FLG: variants seen among roughly 807,000 people sequenced by gnomAD.
FLG encodes epidermal filaggrin.
In FLG, 6 loss-of-function variants were observed where a neutral mutation model predicts 3.8. The ratio of observed to expected loss-of-function variants is 1.60; its 90% CI spans 0.87 to 3.15. The LOEUF (loss-of-function observed/expected upper bound fraction) is 3.15, where lower values mean the gene tolerates loss of function less well. Ranked by LOEUF, FLG falls within the 30% of genes most tolerant of loss-of-function variation. FLG has a pLI of 0.00. For synonymous variants in FLG, 2,551 were observed against 1,931.6 expected (o/e 1.32, Z -8.41); for missense variants, 7,595 against 5,050.9 (o/e 1.50, Z -15.27).
chr1:152,305,898 G>C lies in FLG; in HGVS notation c.8988C>G (p.His2996Gln), dbSNP rs778140311. 7.5e-7 allele frequency: 1 copy of C among 1,325,896 alleles called. No homozygotes were observed. Among genetic ancestry groups the C allele is most frequent in the Non-Finnish European group, 1.0e-6 (1 of 974,458 alleles). The allele number at this position is 1,325,896 out of a possible 1,614,324, so 82.1% of individuals were successfully genotyped here. A position where few individuals can be genotyped will look rare whatever the true frequency, so the allele number is the denominator to read the frequency against. ...ADSSRHSGIG[H>Q]GQASSAVRDS... Reference sequence around the variant, plus strand: ...CTCTGACTGCAGATGAAGCTTGTCCGTGCCCAATGCCTGAGTGTCTGGAGC... The same window carrying C: ...CTCTGACTGCAGATGAAGCTTGTCCCTGCCCAATGCCTGAGTGTCTGGAGC... The change falls in exon 3 of 3, where the codon CAC (histidine) becomes CAG (glutamine). Residue 2996 changes from histidine (H) to glutamine (Q), a missense_variant. Physicochemically the swap from His to Gln is conservative, Grantham distance 24. Coordinates refer to ENST00000368799, the MANE Select transcript of FLG (RefSeq NM_002016.2).
At chr1:152,321,224 A>G (rs746482180) in intron 1 of FLG, among the ~76,000 whole-genome samples, 2 of 150,946 alleles carry the variant, frequency 1.3e-5, no homozygotes, top group African/African-American at 2.4e-5. Context: ...GTGTGTGTAT[A>G]TATATGTATA....
chr1:152,310,371 G>T lies in FLG; in HGVS notation c.4515C>A (p.His1505Gln). The T allele has an allele frequency of 1.2e-6, 2 of 1,613,612 alleles. No individual in the cohort carries two copies. The highest frequency in any genetic ancestry group is 1.7e-6 in the Non-Finnish European group (2 of 1,179,962). ...SSRGGRQGSYHEQSVDRSGHS... is the reference protein window; with the variant it reads ...SSRGGRQGSYQEQSVDRSGHS... ...GTCCAGACCTATCTACTGATTGCTC[G>T]TGGTAGGATCCCTGCCTTCCTCCTC... Residue 1505 changes from histidine (H) to glutamine (Q), a missense_variant, in exon 3 of 3, where the codon CAC becomes CAA. Physicochemically the swap from His to Gln is conservative, Grantham distance 24. Coordinates refer to ENST00000368799, the MANE Select transcript of FLG (RefSeq NM_002016.2).
rs371889524 is a variant in FLG at position 152,310,184 on chromosome 1, C to G, written c.4702G>C (p.Ala1568Pro). ...GSRHHEPSTR[A>P]GSSRHSQVGQ... ...ACCTGTGAGTGTCTAGAGCTGCCGG[C>G]CCGAGTGGAAGGTTCATGGTGACGT... The change falls in exon 3 of 3, where the codon GCC (alanine) becomes CCC (proline). Residue 1568 changes from alanine (A) to proline (P), a missense_variant. Ala to Pro is a conservative substitution (Grantham distance 27, BLOSUM62 -1). Transcript: ENST00000368799. 1 of 1,613,884 alleles carries G rather than the reference C, an allele frequency of 6.2e-7. No homozygotes were observed. The highest frequency in any genetic ancestry group is 2.2e-5 in the East Asian group (1 of 44,824).
intron 1 of FLG, among the ~76,000 whole-genome samples, chr1:152,316,691 C>A (rs942893040): frequency 2.6e-5 from 4 of 152,062 alleles, no homozygotes; most frequent in African/African-American, 2.4e-5. Flanking sequence ...TCGTTACTTG[C>A]AACATATGCA....
At position 152,310,819 on chromosome 1, in the gene FLG, C is replaced by G. The variant is rs1007909829; in HGVS notation, c.4067G>C (p.Arg1356Thr). 5.0e-6 allele frequency: 8 copies of G among 1,611,916 alleles called. No homozygotes were observed. The Admixed American group carries it at 5.0e-5, about 10-fold the overall frequency. Residue 1356 changes from arginine (R) to threonine (T), a missense_variant, in exon 3 of 3, where the codon AGA becomes ACA. Coordinates refer to ENST00000368799, the MANE Select transcript of FLG (RefSeq NM_002016.2). ...HEQARSSPGE[R>T]HGSRHQQSAD... ...TGACTGCTGGTGGCGGGATCCATGT[C>G]TTTCTCCTGGACTTGATCTTGCCTG...
Position 152,308,508 on chromosome 1 carries a change from G to A in FLG, c.6378C>T (p.Ser2126=), listed in dbSNP as rs755684943. The part of the protein sequence containing the change: ...GSHYDQAQDS[S]RHSASQEGQD... ...GACCCTCTTGGGATGCTGAGTGCCT[G>A]GAGCTGTCTTGTGCCTGATCATAAT... The change falls in exon 3 of 3, where the codon TCC becomes TCT. Residue 2126 remains serine (S), a synonymous_variant. Coordinates refer to ENST00000368799, the MANE Select transcript of FLG (RefSeq NM_002016.2). 1.1e-5 allele frequency: 17 copies of A among 1,613,566 alleles called. No individual in the cohort carries two copies. The highest frequency in any genetic ancestry group is 1.4e-5 in the Non-Finnish European group (17 of 1,179,760).
In FLG at chr1:152,310,949, G is replaced by T; in HGVS notation, c.3937C>A (p.Gln1313Lys). The change falls in exon 3 of 3, where the codon CAA becomes AAA. Residue 1313 changes from glutamine to lysine, a missense_variant. Gln to Lys is a moderately conservative substitution (Grantham distance 53). Transcript: ENST00000368799. ...RDGSRHPGFH[Q>K]EDRASHGHSA... Reference sequence around the variant, plus strand: ...TGCCCGTGACTGGCTCTGTCTTCTTGATGGAACCCAGGGTGTCTGGAGCCA... The same window carrying T: ...TGCCCGTGACTGGCTCTGTCTTCTTTATGGAACCCAGGGTGTCTGGAGCCA... The T allele has an allele frequency of 6.2e-7, 1 of 1,614,040 alleles. No homozygotes were observed. Among genetic ancestry groups the T allele is most frequent in the Non-Finnish European group, 8.5e-7 (1 of 1,180,012 alleles).
rs1244281657 is a variant in FLG, at chr1:152,308,165, A to C, written c.6721T>G (p.Ser2241Ala). The C allele has an allele frequency of 1.9e-6, 3 of 1,613,546 alleles. No homozygotes were observed. The highest frequency in any genetic ancestry group is 2.5e-6 in the Non-Finnish European group (3 of 1,179,978). Residue 2241 changes from serine (S) to alanine (A), a missense_variant, in exon 3 of 3, where the codon TCC becomes GCC. Physicochemically the swap from Ser to Ala is moderately conservative, Grantham distance 99. Coordinates refer to ENST00000368799, the MANE Select transcript of FLG (RefSeq NM_002016.2). ...CTGTCACTGTCCTGGCTAACACTGG[A>C]TCCCCGGGGCCTGCTTGTCCTGGGC... Reference protein sequence around the residue: ...SGPRTSRPRGSSVSQDSDSEG... With the variant: ...SGPRTSRPRGASVSQDSDSEG...
In FLG at chr1:152,304,861, T is replaced by C. The variant is rs1246236687; in HGVS notation, c.10025A>G (p.Asp3342Gly). 2.5e-6 allele frequency: 4 copies of C among 1,613,870 alleles called. No individual in the cohort carries two copies. Among genetic ancestry groups the C allele is most frequent in the Non-Finnish European group, 2.5e-6 (3 of 1,179,960 alleles). Residue 3342 changes from aspartate to glycine, a missense_variant, in exon 3 of 3, where the codon GAT becomes GGT. Physicochemically the swap from Asp to Gly is moderately conservative, Grantham distance 94. Coordinates refer to ENST00000368799, the MANE Select transcript of FLG (RefSeq NM_002016.2). ...TGACTCTTCTGAATGTCCCTCACTA[T>C]CACTGGCCTGACTACCACTGGACCC... ...HWGSSGSQAS[D>G]SEGHSEESDT...
chr1:152,305,499 C>A lies in FLG; in HGVS notation c.9387G>T (p.Ser3129=), dbSNP rs752889361. The A allele has an allele frequency of 5.1e-6, 8 of 1,570,250 alleles. No individual in the cohort carries two copies. The highest frequency in any genetic ancestry group is 1.1e-5 in the South Asian group (1 of 87,340). The change falls in exon 3 of 3, where the codon TCG becomes TCT. Residue 3129 remains serine (S), a synonymous_variant. Transcript: ENST00000368799. ...ACCCTGAGTGTCCAGAGCTATCTAC[C>A]GAATGCTCGTGGTGGTACCCCTGCC... is the stretch of plus-strand genomic sequence containing the variant. ...GGRQGYHHEH[S]VDSSGHSGSH... is the part of the protein sequence containing the mutation.
At chr1:152,324,077 G>A (rs1025341154) in intron 1 of FLG, among the ~76,000 whole-genome samples, 1 of 147,038 alleles carries the variant, frequency 6.8e-6, no homozygotes, top group East Asian at 2.4e-4. Context: ...CAGGAATCAT[G>A]GATAACTTCT....
rs377092680 is a variant in FLG at position 152,308,257 on chromosome 1, T to C, written c.6629A>G (p.His2210Arg). The part of the protein sequence containing the change: ...GDGSRHSGSH[H>R]HEASSWADSS... Reference sequence around the variant, plus strand: ...GTCGGCCCAAGAGGAAGCTTCATGATGATGCGACCCTGAGTGCCTAGAGCC... The same window carrying C: ...GTCGGCCCAAGAGGAAGCTTCATGACGATGCGACCCTGAGTGCCTAGAGCC... Residue 2210 changes from histidine (H) to arginine (R), a missense_variant, in exon 3 of 3, where the codon CAT becomes CGT. Physicochemically the swap from His to Arg is conservative, Grantham distance 29. Coordinates refer to ENST00000368799, the MANE Select transcript of FLG (RefSeq NM_002016.2). The C allele has an allele frequency of 3.0e-5, 48 of 1,613,940 alleles. No individual in the cohort carries two copies. Among genetic ancestry groups the C allele is most frequent in the Middle Eastern group, 1.6e-4 (1 of 6,082 alleles).
Position 152,308,015 on chromosome 1 carries a change from C to T in FLG, c.6871G>A (p.Gly2291Ser), listed in dbSNP as rs200457079. Residue 2291 changes from glycine to serine, a missense_variant, in exon 3 of 3, where the codon GGT (glycine) becomes AGT (serine). Gly to Ser is a moderately conservative substitution (Grantham distance 56, BLOSUM62 0). Transcript: ENST00000368799. ...HPRSHHEDRA[G>S]HGHSAESSRQ... Reference sequence around the variant, plus strand: ...GAGCTCTCTGCAGAGTGCCCATGACCGGCTCTGTCTTCGTGATGGGACCTG... The same window carrying T: ...GAGCTCTCTGCAGAGTGCCCATGACTGGCTCTGTCTTCGTGATGGGACCTG... The T allele has an allele frequency of 2.6e-4, 425 of 1,612,898 alleles. No individual in the cohort carries two copies. Among genetic ancestry groups the T allele is most frequent in the South Asian group, 1.2e-3 (111 of 91,082 alleles).
rs147509025 is a variant in FLG at position 152,313,789 on chromosome 1, C to A, written c.1097G>T (p.Arg366Leu). 9 of 1,614,042 alleles carry A rather than the reference C, an allele frequency of 5.6e-6. No homozygotes were observed. The highest frequency in any genetic ancestry group is 7.6e-6 in the Non-Finnish European group (9 of 1,179,990). Reference sequence around the variant, plus strand: ...TTCATGGGATGATGCAGTCTGTCCACGAGAGGAAGTCTCTGCGTGACGAGT... The same window carrying A: ...TTCATGGGATGATGCAGTCTGTCCAAGAGAGGAAGTCTCTGCGTGACGAGT... ...SGTRHAETSS[R>L]GQTASSHEQA... Residue 366 changes from arginine to leucine, a missense_variant, in exon 3 of 3, where the codon CGT (arginine) becomes CTT (leucine). Transcript: ENST00000368799.
In FLG at chr1:152,303,839, C is replaced by G. The variant is rs778053862; in HGVS notation, c.11047G>C (p.Gly3683Arg). ...DSDTQSVSAH[G>R]QAGPHQQSHQ... ...CTCTGCTGATGGGGCCCAGCCTGTC[C>G]GTGGGCTGACACTGACTGTGTGTCT... is the stretch of plus-strand genomic sequence containing the variant. Residue 3683 changes from glycine to arginine, a missense_variant, in exon 3 of 3, where the codon GGA becomes CGA. Coordinates refer to ENST00000368799, the MANE Select transcript of FLG (RefSeq NM_002016.2). The G allele has an allele frequency of 3.1e-6, 5 of 1,613,690 alleles. No individual in the cohort carries two copies. In the East Asian group the frequency reaches 1.1e-4, roughly 36 times the overall value.
In FLG at chr1:152,307,505, T is replaced by G; in HGVS notation, c.7381A>C (p.Thr2461Pro). The G allele has an allele frequency of 6.2e-7, 1 of 1,613,262 alleles. No homozygotes were observed. The highest frequency in any genetic ancestry group is 1.7e-5 in the Admixed American group (1 of 59,966). ...CTTGACCCCGGGTGTCCATGAATGG[T>G]GTCCTGACCCTCTTGGGACGTTGAG... ...RHSTSQEGQD[T>P]IHGHPGSSSG... The change falls in exon 3 of 3, where the codon ACC becomes CCC. Residue 2461 changes from threonine to proline, a missense_variant. Thr to Pro is a conservative substitution (Grantham distance 38). Transcript: ENST00000368799.
rs777856564 is a variant in FLG at position 152,310,008 on chromosome 1, T to G, written c.4878A>C (p.Ser1626=). The change falls in exon 3 of 3, where the codon TCA becomes TCC. Residue 1626 remains serine, a synonymous_variant. Coordinates refer to ENST00000368799, the MANE Select transcript of FLG (RefSeq NM_002016.2). ...RNHYGSAREQ[S]RHGSRNPRSH... ...ACCTGGGGTTCCTGGAGCCATGTCT[T>G]GACTGCTCCCGAGCAGATCCATAAT... 4 of 1,613,880 alleles carry G rather than the reference T, an allele frequency of 2.5e-6. No individual in the cohort carries two copies. The highest frequency in any genetic ancestry group is 1.7e-6 in the Non-Finnish European group (2 of 1,180,008).
At chr1:152,318,103 C>T (rs1652846789) in intron 1 of FLG, among the ~76,000 whole-genome samples, 1 of 151,868 alleles carries the variant, frequency 6.6e-6, no homozygotes, top group African/African-American at 2.4e-5. Context: ...AAAACCCTTC[C>T]CTCGAACCAT....
At chr1:152,321,495 T>A (rs866119779) in intron 1 of FLG, among the ~76,000 whole-genome samples, 2 of 150,814 alleles carry the variant, frequency 1.3e-5, no homozygotes, top group Admixed American at 1.3e-4. Context: ...GCTATCGAGG[T>A]TTTAGACATT....
Sources: gnomAD v4.1 joint callset for allele counts (sites outside exome capture counted in the v4.1 genomes callset) on GRCh38, gnomAD v4.1.1 for gene constraint, MANE v1.5 for transcripts, NCBI Gene and HGNC (gene_info 2026-07-23, HGNC 2026-07-21) for gene names.